The following ARID5B variants were observed in gnomAD, a reference collection of about 807,000 sequenced individuals.
The protein encoded by ARID5B is AT-rich interactive domain-containing protein 5B.
Under a neutral mutation model 97.2 loss-of-function variants are expected in ARID5B, and 13 were observed. The observed-to-expected ratio is 0.13, with a 90% CI of 0.09 to 0.21. The LOEUF (loss-of-function observed/expected upper bound fraction) is 0.21, where lower values mean the gene tolerates loss of function less well. Ranked by LOEUF, ARID5B falls within the 10% of genes least tolerant of loss-of-function variation. The pLI, the probability that ARID5B is intolerant of heterozygous loss-of-function variation, is 1.00. For synonymous variants in ARID5B, 556 were observed against 570.3 expected (o/e 0.97, Z 0.36); for missense variants, 1,210 against 1,465.3 (o/e 0.83, Z 2.84).
chr10:61,986,557 G>A (rs1838849917), intron 3 of ARID5B, among the ~76,000 whole-genome samples: 1 of 152,092 alleles, frequency 6.6e-6, no homozygotes, highest in Admixed American at 6.5e-5. Context: ...GGGAGGGTGA[G>A]GAAGCGGATG....
chr10:61,943,564 T>A (rs997692707), intron 3 of ARID5B, among the ~76,000 whole-genome samples: 33 of 152,120 alleles, frequency 2.2e-4, no homozygotes, highest in Non-Finnish European at 4.1e-4. Flanking sequence ...TATCGTTTTT[T>A]AACTGAGTTA....
intron 5 of ARID5B, among the ~76,000 whole-genome samples, chr10:62,052,556 A>G (rs1332391406): frequency 6.6e-6 from 1 of 152,158 alleles, no homozygotes; most frequent in East Asian, 1.9e-4. Flanking sequence ...AATCACCACC[A>G]AGGTCTGCTT....
chr10:61,956,038 C>G (rs1298445867), intron 3 of ARID5B, among the ~76,000 whole-genome samples: 1 of 152,158 alleles, frequency 6.6e-6, no homozygotes, highest in Non-Finnish European at 1.5e-5. Flanking sequence ...CATCTTTTAT[C>G]CATCTCTTTG....
Position 61,920,336 on chromosome 10 carries a change from T to G in ARID5B, c.276+17923T>G, listed in dbSNP as rs550967771. 2.5e-4 allele frequency among the ~76,000 whole-genome samples: 38 copies of G among 151,622 alleles called. 1 individual carries two copies. The South Asian group carries it at 3.7e-3, about 15-fold the overall frequency. ...TTTAAAAGATGAATCTTTGTTTTTT[T>G]TTTTTTTTTTCCTGAGAAGTTTCAC... On this transcript the variant is annotated intron_variant, in intron 2 of 9. Coordinates refer to ENST00000279873, the MANE Select transcript of ARID5B (RefSeq NM_032199.3).
chr10:62,070,854 T>C (rs1159174904), intron 8 of ARID5B, among the ~76,000 whole-genome samples: 2 of 152,128 alleles, frequency 1.3e-5, no homozygotes, highest in Non-Finnish European at 2.9e-5. Flanking sequence ...TTAAAATATG[T>C]TATTTCTGTC....
intron 8 of ARID5B, among the ~76,000 whole-genome samples, chr10:62,072,131 C>T (rs1051453224): frequency 6.6e-6 from 1 of 152,148 alleles, no homozygotes; most frequent in African/African-American, 2.4e-5. Flanking sequence ...GTTCAGGTCC[C>T]TGGTAAGAAG....
intron 4 of ARID5B, among the ~76,000 whole-genome samples, chr10:62,017,472 G>A (rs1309158693): frequency 1.3e-5 from 2 of 151,578 alleles, no homozygotes; most frequent in African/African-American, 2.4e-5. Context: ...ATAAGTCATG[G>A]TATTTTGTTT....
At chr10:61,948,516 G>A (rs540244208) in intron 3 of ARID5B, among the ~76,000 whole-genome samples, 7 of 150,156 alleles carry the variant, frequency 4.7e-5, no homozygotes, top group South Asian at 2.1e-4. Context: ...ACAGGTGCGC[G>A]CCACCACATC....
chr10:61,949,492 A>G (rs948548150), intron 3 of ARID5B, among the ~76,000 whole-genome samples: 1 of 152,094 alleles, frequency 6.6e-6, no homozygotes, highest in African/African-American at 2.4e-5. Flanking sequence ...ACAAAATTAG[A>G]CGGGTATGGT....
At chr10:61,974,621 TC>T (rs1184476842) in intron 3 of ARID5B, among the ~76,000 whole-genome samples, 3 of 152,310 alleles carry the variant, frequency 2.0e-5, no homozygotes, top group African/African-American at 7.2e-5. Flanking sequence ...AAGATATTTC[TC>T]CTAAAATAAA....
At chr10:62,032,715 G>A (rs912676340) in intron 4 of ARID5B, among the ~76,000 whole-genome samples, 2 of 152,116 alleles carry the variant, frequency 1.3e-5, no homozygotes, top group Middle Eastern at 3.4e-3. Flanking sequence ...ACTCCATCTC[G>A]GAAAATAAAT....
intron 4 of ARID5B, chr10:62,047,067 G>A (rs989433997): frequency 6.6e-6 from 1 of 152,112 alleles, no homozygotes; most frequent in Admixed American, 6.5e-5. Context: ...CTTAAAGCAG[G>A]GGCTCTGGAT....
intron 2 of ARID5B, among the ~76,000 whole-genome samples, chr10:61,906,755 CTCTAGAGTTGGGTCCAGGAG>C (rs1328602679): frequency 6.6e-6 from 1 of 152,170 alleles, no homozygotes; most frequent in Non-Finnish European, 1.5e-5. Context: ...CAAATAGAAT[CTCTAGAGTTGGGTCCAGGAG>C]TCTGAATTTT....
chr10:61,960,352 A>G (rs947928954), intron 3 of ARID5B, among the ~76,000 whole-genome samples: 11 of 152,150 alleles, frequency 7.2e-5, no homozygotes, highest in Non-Finnish European at 1.3e-4. Flanking sequence ...AAAGTGGAGC[A>G]CGTTTTGTAA....
chr10:61,927,549 T>C (rs1444406784), intron 2 of ARID5B, among the ~76,000 whole-genome samples: 4 of 152,168 alleles, frequency 2.6e-5, no homozygotes. Flanking sequence ...CTTTGGGAAG[T>C]ACAAGAGAAG....
intron 4 of ARID5B, chr10:62,046,969 T>G (rs1485125710): frequency 6.6e-6 from 1 of 151,826 alleles, no homozygotes; most frequent in African/African-American, 2.4e-5. Flanking sequence ...CAAGTTAGTA[T>G]GAATACTTCA....
rs1055438830 is a variant in ARID5B at position 62,096,704 on chromosome 10, G to T, written c.*3674G>T. On this transcript the variant is annotated 3_prime_UTR_variant, in exon 10 of 10. Coordinates refer to ENST00000279873, the MANE Select transcript of ARID5B (RefSeq NM_032199.3). ...TTTGTATATAGCAACATGGCCCAGT[G>T]ATATTATATAGTTTCCCAATGGAGA... is the stretch of plus-strand genomic sequence containing the variant. The T allele has an allele frequency of 3.9e-5, 9 of 233,416 alleles. No individual in the cohort carries two copies. Among genetic ancestry groups the T allele is most frequent in the African/African-American group, 2.0e-4 (9 of 45,318 alleles). The allele number at this position is 233,416 out of a possible 1,614,324, so 14.5% of individuals were successfully genotyped here. A position where few individuals can be genotyped will look rare whatever the true frequency, so the allele number is the denominator to read the frequency against.
At chr10:62,084,292 T>C (rs1203289459) in intron 8 of ARID5B, among the ~76,000 whole-genome samples, 1 of 152,222 alleles carries the variant, frequency 6.6e-6, no homozygotes, top group African/African-American at 2.4e-5. Flanking sequence ...AATATTAGGA[T>C]CACAAATGTC....
chr10:62,012,298 A>G (rs187764464), intron 4 of ARID5B, among the ~76,000 whole-genome samples: 2 of 152,282 alleles, frequency 1.3e-5, no homozygotes, highest in Admixed American at 6.5e-5. Context: ...AAGTGGGCAG[A>G]TCCCTTGATC....
Sources: allele counts gnomAD v4.1 joint callset (sites outside exome capture counted in the v4.1 genomes callset), GRCh38; gene constraint gnomAD v4.1.1; transcripts MANE v1.5; gene names NCBI Gene and HGNC (gene_info 2026-07-23, HGNC 2026-07-21).